PTCD2: variants seen among roughly 807,000 people sequenced by gnomAD.
PTCD2 encodes the protein pentatricopeptide repeat domain 2, also known as pentatricopeptide repeat-containing protein 2, mitochondrial.
A neutral mutation model predicts 42.6 loss-of-function variants in PTCD2; 31 were observed. The observed-to-expected ratio is 0.73, with a 90% CI of 0.55 to 0.98. The LOEUF (loss-of-function observed/expected upper bound fraction) is 0.98. PTCD2 is among the 50% of genes least tolerant of loss of function. The pLI is 0.00. For missense variants in PTCD2, 476 were observed against 454.8 expected, an observed-to-expected ratio of 1.05 and a Z score of -0.42; for synonymous variants, 183 against 170.9, an observed-to-expected ratio of 1.07 and a Z score of -0.55.
chr5:72,341,934 A>G (rs1752085429), intron 7 of PTCD2, among the ~76,000 whole-genome samples: 1 of 150,266 alleles, frequency 6.7e-6, no homozygotes, highest in Admixed American at 6.6e-5. Context: ...AGTCCCAGCT[A>G]CTCTGGAGGC....
Position 72,358,235 on chromosome 5 carries a change from G to T in PTCD2, c.975G>T (p.Val325=). 3 of 1,614,080 alleles carry T rather than the reference G, an allele frequency of 1.9e-6. No individual in the cohort carries two copies. Among genetic ancestry groups the T allele is most frequent in the Non-Finnish European group, 2.5e-6 (3 of 1,179,990 alleles). The change falls in exon 10 of 10, where the codon GTG becomes GTT. Residue 325 remains valine, a synonymous_variant. Coordinates refer to ENST00000380639, the MANE Select transcript of PTCD2 (RefSeq NM_024754.5). ...LAKVREKVKD[V]PALVAKFDEI... is the part of the protein sequence containing the mutation. ...AAGTGAGGGAAAAAGTGAAGGATGT[G>T]CCTGCCCTTGTGGCCAAATTTGATG...
intron 9 of PTCD2, among the ~76,000 whole-genome samples, chr5:72,352,988 A>G (rs887244318): frequency 7.2e-5 from 11 of 152,008 alleles, no homozygotes; most frequent in African/African-American, 2.4e-4. Flanking sequence ...TCTTTTCTCC[A>G]CATTGTATTC....
rs1427507252 is a variant in PTCD2 at position 72,367,438 on chromosome 5, A to C, written c.*9011A>C. The C allele has an allele frequency of 6.6e-6, 1 of 152,232 alleles. No homozygotes were observed. Among genetic ancestry groups the C allele is most frequent in the East Asian group, 1.9e-4 (1 of 5,204 alleles). The allele number at this position is 152,232 out of a possible 1,614,324, so 9.4% of individuals were successfully genotyped here. A position where few individuals can be genotyped will look rare whatever the true frequency, so the allele number is the denominator to read the frequency against. On this transcript the variant is annotated 3_prime_UTR_variant, in exon 10 of 10. Coordinates refer to ENST00000380639, the MANE Select transcript of PTCD2 (RefSeq NM_024754.5). ...AGAGGAGACCCTAGTGCAACTGTGC[A>C]TTGTACAACAACTGATGAGGTAAAA...
chr5:72,336,231 C>T (rs1005754532), intron 6 of PTCD2, among the ~76,000 whole-genome samples: 1 of 152,122 alleles, frequency 6.6e-6, no homozygotes, highest in African/African-American at 2.4e-5. Context: ...TCTTAGCTTC[C>T]TTCATTGGTG....
At chr5:72,340,182 T>C (rs568572245) in intron 7 of PTCD2, among the ~76,000 whole-genome samples, 1 of 152,362 alleles carries the variant, frequency 6.6e-6, no homozygotes, top group African/African-American at 2.4e-5. Context: ...GTGGTGACTT[T>C]AAAACCATAG....
At chr5:72,350,936 T>C (rs967647563) in intron 8 of PTCD2, among the ~76,000 whole-genome samples, 3 of 152,228 alleles carry the variant, frequency 2.0e-5, no homozygotes, top group African/African-American at 7.2e-5. Context: ...TAAAAGTACA[T>C]ATGTGCACAT....
chr5:72,323,269 TAGTG>T (rs1216528596), intron 2 of PTCD2, among the ~76,000 whole-genome samples: 2 of 152,212 alleles, frequency 1.3e-5, no homozygotes, highest in African/African-American at 4.8e-5. Flanking sequence ...TAATGGCACT[TAGTG>T]AGGGGGATTA....
In PTCD2 at chr5:72,363,268, C is replaced by T. The variant is rs1469404275; in HGVS notation, c.*4841C>T. ...GGCTCTCATCTTAAACCTGAACAGG[C>T]ATCAGAATCACTTGGAGAGCTTGTT... On this transcript the variant is annotated 3_prime_UTR_variant, in exon 10 of 10. Coordinates refer to ENST00000380639, the MANE Select transcript of PTCD2 (RefSeq NM_024754.5). The T allele has an allele frequency of 6.6e-6, 1 of 152,232 alleles. No individual in the cohort carries two copies. Among genetic ancestry groups the T allele is most frequent in the Non-Finnish European group, 1.5e-5 (1 of 68,042 alleles). The allele number at this position is 152,232 out of a possible 1,614,324, so 9.4% of individuals were successfully genotyped here. A position where few individuals can be genotyped will look rare whatever the true frequency, so the allele number is the denominator to read the frequency against.
At chr5:72,326,190 G>T (rs1019780220) in intron 2 of PTCD2, among the ~76,000 whole-genome samples, 2 of 152,264 alleles carry the variant, frequency 1.3e-5, no homozygotes, top group East Asian at 1.9e-4. Flanking sequence ...TTCCCATTTG[G>T]TTCTCTGCCA....
intron 2 of PTCD2, among the ~76,000 whole-genome samples, chr5:72,324,035 G>A (rs1751005415): frequency 1.3e-5 from 2 of 151,902 alleles, no homozygotes; most frequent in African/African-American, 4.8e-5. Flanking sequence ...ACCATATAGG[G>A]GGCAAAAAAA....
rs748146102 is a variant in PTCD2, at chr5:72,358,616, A to G, written c.*189A>G. Reference sequence around the variant, plus strand: ...TTATGTTGCACCACTGTGAAGGTCTAGATGCAAGCTTGGCTCCCTCAGAAA... The same window carrying G: ...TTATGTTGCACCACTGTGAAGGTCTGGATGCAAGCTTGGCTCCCTCAGAAA... On this transcript the variant is annotated 3_prime_UTR_variant, in exon 10 of 10. Transcript: ENST00000380639. 7 of 594,566 alleles carry G rather than the reference A, an allele frequency of 1.2e-5. No individual in the cohort carries two copies. Among genetic ancestry groups the G allele is most frequent in the African/African-American group, 1.9e-5 (1 of 53,764 alleles). 36.8% of individuals were successfully genotyped at this position (594,566 alleles called of 1,614,324 possible). A position where few individuals can be genotyped will look rare whatever the true frequency, so the allele number is the denominator to read the frequency against.
At chr5:72,330,406 G>A (rs780021787) in intron 3 of PTCD2, among the ~76,000 whole-genome samples, 5 of 152,018 alleles carry the variant, frequency 3.3e-5, no homozygotes, top group Non-Finnish European at 5.9e-5. Context: ...TATCATCAGC[G>A]CTTCTCCCCA....
intron 6 of PTCD2, among the ~76,000 whole-genome samples, chr5:72,336,710 C>CAA (rs57573366): frequency 6.9e-5 from 6 of 86,566 alleles, no homozygotes; most frequent in Admixed American, 1.3e-4. Context: ...GACTCTGTCT[C>CAA]AAAAAAAAAA....
rs767784632 is a variant in PTCD2 at position 72,322,277 on chromosome 5, A to G, written c.220+13A>G. The G allele has an allele frequency of 7.0e-7, 1 of 1,436,992 alleles. No individual in the cohort carries two copies. Among genetic ancestry groups the G allele is most frequent in the South Asian group, 1.2e-5 (1 of 86,612 alleles). The allele number at this position is 1,436,992 out of a possible 1,614,324, so 89.0% of individuals were successfully genotyped here. On this transcript the variant is annotated intron_variant, in intron 2 of 9. Transcript: ENST00000380639. ...TCTGGCACTAAAGGTAATAGAATCTATTTTGTTAATTCTGTCATTTATCTG... is the reference window on the plus strand; with the variant it reads ...TCTGGCACTAAAGGTAATAGAATCTGTTTTGTTAATTCTGTCATTTATCTG...
Position 72,359,558 on chromosome 5 carries a change from T to C in PTCD2, c.*1131T>C, listed in dbSNP as rs1753043802. The C allele has an allele frequency of 6.6e-6, 1 of 152,216 alleles. No homozygotes were observed. 9.4% of individuals were successfully genotyped at this position (152,216 alleles called of 1,614,324 possible). ...GATTATAGAGTCAGAAATTGTAGAC[T>C]AGGAGAAGTCTTCTGAGTCTCCTAA... On this transcript the variant is annotated 3_prime_UTR_variant, in exon 10 of 10. Coordinates refer to ENST00000380639, the MANE Select transcript of PTCD2 (RefSeq NM_024754.5).
intron 8 of PTCD2, among the ~76,000 whole-genome samples, chr5:72,346,025 A>G (rs1468631627): frequency 6.6e-6 from 1 of 152,222 alleles, no homozygotes; most frequent in Non-Finnish European, 1.5e-5. Flanking sequence ...TGACTAGATG[A>G]GTATTTATGG....
chr5:72,324,742 A>G (rs1751049637), intron 2 of PTCD2, among the ~76,000 whole-genome samples: 1 of 152,122 alleles, frequency 6.6e-6, no homozygotes, highest in Non-Finnish European at 1.5e-5. Context: ...CTTTGTATAA[A>G]TTTAGCTTGC....
At chr5:72,336,023 T>C in intron 6 of PTCD2, 138 bp downstream of exon 6, 1 of 598,212 alleles carries the variant, frequency 1.7e-6, no homozygotes, top group Non-Finnish European at 2.9e-6. Context: ...TTAAATGTTT[T>C]TATTTTTAGA....
At chr5:72,344,627 T>C (rs556303550) in intron 8 of PTCD2, among the ~76,000 whole-genome samples, 2 of 152,298 alleles carry the variant, frequency 1.3e-5, no homozygotes, top group Admixed American at 6.5e-5. Flanking sequence ...GTAATAGTTA[T>C]TGGGGGAACC....
Sources: allele counts gnomAD v4.1 joint callset (sites outside exome capture counted in the v4.1 genomes callset), GRCh38; gene constraint gnomAD v4.1.1; transcripts MANE v1.5; gene names NCBI Gene and HGNC (gene_info 2026-07-23, HGNC 2026-07-21).